The following POLE variants were observed in gnomAD, a reference collection of about 807,000 sequenced individuals.
POLE encodes the protein DNA polymerase epsilon, catalytic subunit.
Under a neutral mutation model 279.2 loss-of-function variants are expected in POLE, and 188 were observed. The observed-to-expected ratio is 0.67, with a 90% CI of 0.60 to 0.76. POLE has a LOEUF of 0.76. Among genes scored for constraint, POLE ranks in the 30% least tolerant of loss-of-function variants. POLE has a pLI of 0.00. For missense variants in POLE, 2,703 were observed against 3,016.7 expected (o/e 0.90, Z 2.44); for synonymous variants, 1,214 against 1,172.5 (o/e 1.04, Z -0.72).
intron 14 of POLE, 113 bp from the exon 15 acceptor site, chr12:132,672,952 G>T: frequency 1.0e-6 from 1 of 982,844 alleles, no homozygotes; most frequent in Non-Finnish European, 1.5e-6. Context: ...AAACCTCGTG[G>T]TAAATGGCTG....
chr12:132,641,490 A>T (rs1240778371), intron 39 of POLE, 157 bp downstream of exon 39: 7 of 660,044 alleles, frequency 1.1e-5, no homozygotes, highest in Admixed American at 5.0e-5. Flanking sequence ...TGGTAAAGAC[A>T]ATAGACTATG....
intron 1 of POLE, among the ~76,000 whole-genome samples, chr12:132,685,350 G>T (rs552197817): frequency 6.6e-6 from 1 of 152,100 alleles, no homozygotes; most frequent in Non-Finnish European, 1.5e-5. Flanking sequence ...CCATTGACTG[G>T]TTACTGTATC....
In POLE at chr12:132,664,450, G is replaced by A. The variant is rs149513974; in HGVS notation, c.2481C>T (p.Tyr827=). The A allele has an allele frequency of 6.9e-5, 112 of 1,613,844 alleles. No homozygotes were observed. Among genetic ancestry groups the A allele is most frequent in the Non-Finnish European group, 9.1e-5 (107 of 1,179,960 alleles). The change falls in exon 22 of 49, where the codon TAC becomes TAT. Residue 827 remains tyrosine, a synonymous_variant. Coordinates refer to ENST00000320574, the MANE Select transcript of POLE (RefSeq NM_006231.4). The surrounding 1 kb of genome is among the most constrained non-coding windows in gnomAD (Gnocchi z 5.3). ...AGACGATGCCAGCCATCTCCATGGA[G>A]TACCAGCGAGCCCTGAGAGGACACC... The part of the protein sequence containing the change: ...GYVMRKGARW[Y]SMEMAGIVCF...
Position 132,677,442 on chromosome 12 carries a change from G to A in POLE, c.722C>T (p.Ala241Val). 1 of 1,613,670 alleles carries A rather than the reference G, an allele frequency of 6.2e-7. No individual in the cohort carries two copies. The change falls in exon 8 of 49, where the codon GCT (alanine) becomes GTT (valine). Residue 241 changes from alanine to valine, a missense_variant and splice_region_variant. Ala to Val is a moderately conservative substitution (Grantham distance 64). Transcript: ENST00000320574. ...TCGGTATCTGACATTGTACCAATGA[G>A]CCTGCAAAACACACAGTGTGCTAAC... ...RLSIDLKIHV[A>V]HWYNVRYRGN... is the part of the protein sequence containing the mutation.
At chr12:132,643,032 G>A (rs149861626) in intron 35 of POLE, 36 bp from the exon 36 acceptor site, 66 of 1,555,938 alleles carry the variant, frequency 4.2e-5, no homozygotes, top group Admixed American at 3.7e-4. Context: ...CTCCCCCTGC[G>A]CAGGAGGAAG....
chr12:132,677,473 T>G (rs1035692703), intron 7 of POLE, 30 bp from the exon 8 acceptor site: 3 of 1,609,498 alleles, frequency 1.9e-6, no homozygotes, highest in Non-Finnish European at 2.6e-6. Context: ...CTAACTAGAG[T>G]TCTACATCCA....
At chr12:132,669,616 A>C (rs139412686) in intron 16 of POLE, among the ~76,000 whole-genome samples, 28 of 152,342 alleles carry the variant, frequency 1.8e-4, no homozygotes, top group African/African-American at 5.5e-4. Context: ...TATTGTTTCT[A>C]CTTGAATTAC....
intron 23 of POLE, among the ~76,000 whole-genome samples, chr12:132,662,387 G>A (rs1156890321): frequency 6.6e-6 from 1 of 152,206 alleles, no homozygotes; most frequent in Non-Finnish European, 1.5e-5. Flanking sequence ...CTCTAGGATT[G>A]AACAAACACA....
chr12:132,681,574 A>C (rs2043169120), intron 1 of POLE, among the ~76,000 whole-genome samples: 1 of 151,860 alleles, frequency 6.6e-6, no homozygotes, highest in Non-Finnish European at 1.5e-5. Context: ...CGATCTCCTG[A>C]CCTTGTGATC....
chr12:132,635,355 A>G (rs1279458801), intron 42 of POLE, among the ~76,000 whole-genome samples: 3 of 152,170 alleles, frequency 2.0e-5, no homozygotes, highest in Non-Finnish European at 4.4e-5. Flanking sequence ...GCTGCCCAGC[A>G]TCTCCCTGAC....
chr12:132,625,241 G>A (rs1201977788), intron 47 of POLE: 4 of 728,152 alleles, frequency 5.5e-6, no homozygotes, highest in Non-Finnish European at 1.0e-5. Context: ...CCTCCTCCAG[G>A]CCCTGCTCAC....
rs1226977511 is a variant in POLE at position 132,672,336 on chromosome 12, G to C, written c.1687-14C>G. 2.5e-6 allele frequency: 4 copies of C among 1,602,710 alleles called. No homozygotes were observed. The highest frequency in any genetic ancestry group is 2.2e-5 in the East Asian group (1 of 44,850). ...GGCGGCAGGATTCTAGCACAACAGTGAGACGACGGGGTCAGAGGGGAAACA... is the reference window on the plus strand; with the variant it reads ...GGCGGCAGGATTCTAGCACAACAGTCAGACGACGGGGTCAGAGGGGAAACA... On this transcript the variant is annotated splice_polypyrimidine_tract_variant and intron_variant, in intron 15 of 48. Coordinates refer to ENST00000320574, the MANE Select transcript of POLE (RefSeq NM_006231.4).
rs1555222573 is a variant in POLE, at chr12:132,642,572, G to C, written c.4886C>G (p.Ala1629Gly). The change falls in exon 37 of 49, where the codon GCC (alanine) becomes GGC (glycine). Residue 1629 changes from alanine to glycine, a missense_variant. Ala to Gly is a moderately conservative substitution (Grantham distance 60). This residue lies in a region of POLE where 1,551 missense variants were observed against 1,686.1 expected (regional missense o/e 0.92). Transcript: ENST00000320574. ...GAGGTAGTGACGGATCATGCGCCGG[G>C]CTCCATGGCGCTGCCAGTCCAGGAC... is the stretch of plus-strand genomic sequence containing the variant. ...YGVLDWQRHG[A>G]RRMIRHYLNL... The C allele has an allele frequency of 6.2e-7, 1 of 1,613,372 alleles. No homozygotes were observed. Among genetic ancestry groups the C allele is most frequent in the East Asian group, 2.2e-5 (1 of 44,894 alleles).
chr12:132,672,551 T>A lies in POLE; in HGVS notation c.1686+76A>T, dbSNP rs1593070272. 11 of 1,450,474 alleles carry A rather than the reference T, an allele frequency of 7.6e-6. No individual in the cohort carries two copies. The South Asian group carries it at 1.2e-4, about 15-fold the overall frequency. The allele number at this position is 1,450,474 out of a possible 1,614,324, so 89.9% of individuals were successfully genotyped here. ...GACAGGATGGGGAGAAGGGGCTTTATTTCAGCCCCTGCAGCTTCTGGGTCC... is the reference window on the plus strand; with the variant it reads ...GACAGGATGGGGAGAAGGGGCTTTAATTCAGCCCCTGCAGCTTCTGGGTCC... On this transcript the variant is annotated intron_variant, in intron 15 of 48. Coordinates refer to ENST00000320574, the MANE Select transcript of POLE (RefSeq NM_006231.4).
rs5744799 is a variant in POLE, at chr12:132,668,446, A to T, written c.2083T>A (p.Phe695Ile). Reference sequence around the variant, plus strand: ...GGCCCCTCTGGGAACAAGGGGGGGAACTTCTCTGACTCCAGCTGGTGCTGG... The same window carrying T: ...GGCCCCTCTGGGAACAAGGGGGGGATCTTCTCTGACTCCAGCTGGTGCTGG... ...RIQHQLESEK[F>I]PPLFPEGPAR... The change falls in exon 19 of 49, where the codon TTC becomes ATC. Residue 695 changes from phenylalanine (F) to isoleucine (I), a missense_variant. Coordinates refer to ENST00000320574, the MANE Select transcript of POLE (RefSeq NM_006231.4). The surrounding 1 kb of genome is among the most constrained non-coding windows in gnomAD (Gnocchi z 4.0). 0.015 allele frequency: 23,624 copies of T among 1,612,464 alleles called. 156 individuals carry two copies. Among genetic ancestry groups the T allele is most frequent in the Non-Finnish European group, 0.016 (19,328 of 1,179,112 alleles).
chr12:132,655,208 G>A (rs2042506367), intron 29 of POLE, among the ~76,000 whole-genome samples: 1 of 152,086 alleles, frequency 6.6e-6, no homozygotes, highest in Admixed American at 6.5e-5. Context: ...GCGTATACAA[G>A]TCCTGTTTAA....
At chr12:132,662,382 GGATTGA>G (rs2042699755) in intron 23 of POLE, among the ~76,000 whole-genome samples, 1 of 152,190 alleles carries the variant, frequency 6.6e-6, no homozygotes, top group African/African-American at 2.4e-5. Flanking sequence ...ATGGACTCTA[GGATTGA>G]ACAAACACAT....
intron 29 of POLE, among the ~76,000 whole-genome samples, chr12:132,656,504 G>A (rs375458833): frequency 3.3e-5 from 5 of 151,980 alleles, no homozygotes; most frequent in African/African-American, 1.2e-4. Flanking sequence ...GACTACAGGC[G>A]CCCACCACTA....
chr12:132,658,896 A>AAAAAAAAAAAAG (rs1565955272), intron 26 of POLE, among the ~76,000 whole-genome samples: 1 of 150,922 alleles, frequency 6.6e-6, no homozygotes, highest in Non-Finnish European at 1.5e-5. Flanking sequence ...AAAAAAAAAA[A>AAAAAAAAAAAAG]AAAAAAAAAA....
Sources: gnomAD v4.1 joint callset for allele counts (sites outside exome capture counted in the v4.1 genomes callset) on GRCh38, gnomAD v4.1.1 for gene constraint, gnomAD v4.1.1 regional missense constraint, Gnocchi (gnomAD v3.1) non-coding constraint, MANE v1.5 for transcripts, NCBI Gene and HGNC (gene_info 2026-07-23, HGNC 2026-07-21) for gene names.